The following ABCC9 variants were observed in gnomAD, a reference collection of about 807,000 sequenced individuals.
ABCC9 encodes the protein ATP binding cassette subfamily C member 9, also known as ATP-binding cassette sub-family C member 9.
A neutral mutation model predicts 188.3 loss-of-function variants in ABCC9; 95 were observed. The observed-to-expected ratio is 0.50, with a 90% CI of 0.43 to 0.60. The LOEUF is 0.60. Among genes scored for constraint, ABCC9 ranks in the 20% least tolerant of loss-of-function variants. ABCC9 has a pLI of 0.00. For missense variants in ABCC9, 1,102 were observed against 1,876.3 expected, an observed-to-expected ratio of 0.59 and a Z score of 7.62; for synonymous variants, 659 against 652.7, an observed-to-expected ratio of 1.01 and a Z score of -0.15.
At chr12:21,928,278 G>A (rs1258272395) in intron 4 of ABCC9, among the ~76,000 whole-genome samples, 3 of 100,780 alleles carry the variant, frequency 3.0e-5, no homozygotes, top group East Asian at 3.3e-4. Flanking sequence ...ATGGAAGGGG[G>A]AAAGGAAGGA....
chr12:21,878,508 T>G (rs939495207), intron 16 of ABCC9, among the ~76,000 whole-genome samples: 10 of 152,166 alleles, frequency 6.6e-5, no homozygotes, highest in South Asian at 2.1e-4. Flanking sequence ...TAGGGGATTT[T>G]CAGGCTGGGA....
At chr12:21,939,931 C>T (rs894520418) in intron 2 of ABCC9, among the ~76,000 whole-genome samples, 7 of 152,230 alleles carry the variant, frequency 4.6e-5, no homozygotes, top group African/African-American at 1.4e-4. Flanking sequence ...AAATTCCACA[C>T]ATCTAGAACA....
In ABCC9 at chr12:21,809,855, G is replaced by T; in HGVS notation, c.4312C>A (p.Leu1438Ile). 6.3e-7 allele frequency: 1 copy of T among 1,586,498 alleles called. No individual in the cohort carries two copies. The highest frequency in any genetic ancestry group is 8.6e-7 in the Non-Finnish European group (1 of 1,156,382). ...ATATGCTATTTAGGAAATATACCTA[G>T]ACCTCCAGGTAGAGATTTGACCATA... ...KNMVKSLPGGLDAVVTEGGEN... is the reference protein window; with the variant it reads ...KNMVKSLPGGIDAVVTEGGEN... The change falls in exon 37 of 40, where the codon CTA becomes ATA. Residue 1438 changes from leucine to isoleucine, a missense_variant. Coordinates refer to ENST00000261200, the MANE Select transcript of ABCC9 (RefSeq NM_020297.4).
chr12:21,799,818 G>T lies in ABCC9; in HGVS notation c.*1226C>A, dbSNP rs893795682. 6 of 152,144 alleles carry T rather than the reference G, an allele frequency of 3.9e-5. No individual in the cohort carries two copies. The highest frequency in any genetic ancestry group is 1.2e-4 in the African/African-American group (5 of 41,432). The allele number at this position is 152,144 out of a possible 1,614,324, so 9.4% of individuals were successfully genotyped here. A position where few individuals can be genotyped will look rare whatever the true frequency, so the allele number is the denominator to read the frequency against. On this transcript the variant is annotated 3_prime_UTR_variant, in exon 40 of 40. Coordinates refer to ENST00000261200, the MANE Select transcript of ABCC9 (RefSeq NM_020297.4). ...GATGGGCACAGAATAGTAGAAACTGGTTGCTAACGTGACAAAGAAGGTGAC... is the reference window on the plus strand; with the variant it reads ...GATGGGCACAGAATAGTAGAAACTGTTTGCTAACGTGACAAAGAAGGTGAC...
chr12:21,915,599 G>C, intron 7 of ABCC9, 69 bp downstream of exon 7: 1 of 1,568,838 alleles, frequency 6.4e-7, no homozygotes, highest in South Asian at 1.1e-5. Context: ...TGCAAGCTCT[G>C]CCTCCCAGGT....
At chr12:21,836,628 A>AT (rs908447841) in intron 30 of ABCC9, among the ~76,000 whole-genome samples, 4 of 151,802 alleles carry the variant, frequency 2.6e-5, no homozygotes, top group Admixed American at 2.0e-4. Context: ...CTGTGTTGCT[A>AT]TTTTTTTTCT....
intron 12 of ABCC9, among the ~76,000 whole-genome samples, chr12:21,901,861 T>C (rs1279829714): frequency 6.6e-6 from 1 of 152,150 alleles, no homozygotes; most frequent in African/African-American, 2.4e-5. Flanking sequence ...AATGGGAGAC[T>C]TTAACACCCC....
At chr12:21,908,351 C>T in intron 10 of ABCC9, 140 bp from the exon 11 acceptor site, 1 of 1,085,918 alleles carries the variant, frequency 9.2e-7, no homozygotes, top group South Asian at 1.4e-5. Context: ...TTAGGGTTCT[C>T]TAGAGGGACA....
At chr12:21,907,246 TA>T (rs1472635792) in intron 11 of ABCC9, among the ~76,000 whole-genome samples, 1 of 151,858 alleles carries the variant, frequency 6.6e-6, no homozygotes, top group Non-Finnish European at 1.5e-5. Context: ...TGTGCTGGAG[TA>T]AAAAGGATAG....
chr12:21,921,182 C>A (rs894859166), intron 5 of ABCC9, among the ~76,000 whole-genome samples: 6 of 152,056 alleles, frequency 3.9e-5, no homozygotes, highest in Non-Finnish European at 8.8e-5. Context: ...ATTTACATTT[C>A]CACCAATAGT....
At chr12:21,861,754 A>G (rs1475935045) in intron 20 of ABCC9, among the ~76,000 whole-genome samples, 2 of 152,178 alleles carry the variant, frequency 1.3e-5, no homozygotes, top group African/African-American at 4.8e-5. Context: ...ATGAGTAACG[A>G]AGTTTAAGGA....
At chr12:21,803,231 C>T (rs1438770676) in intron 39 of ABCC9, among the ~76,000 whole-genome samples, 1 of 151,686 alleles carries the variant, frequency 6.6e-6, no homozygotes, top group African/African-American at 2.4e-5. Flanking sequence ...ATTTTCCTTC[C>T]AGAAAAATAT....
At chr12:21,927,291 A>G (rs568487766) in intron 4 of ABCC9, among the ~76,000 whole-genome samples, 6 of 152,286 alleles carry the variant, frequency 3.9e-5, no homozygotes, top group East Asian at 3.9e-4. Context: ...GGTAAGCGGT[A>G]TGATCAGATT....
intron 4 of ABCC9, among the ~76,000 whole-genome samples, chr12:21,930,079 C>T (rs957524061): frequency 1.3e-5 from 2 of 149,440 alleles, no homozygotes; most frequent in Non-Finnish European, 3.0e-5. Flanking sequence ...TGAGAACATG[C>T]GGTGTTTGGT....
At chr12:21,936,770 A>C in intron 2 of ABCC9, 76 bp from the exon 3 acceptor site, 1 of 1,067,572 alleles carries the variant, frequency 9.4e-7, no homozygotes, top group Admixed American at 2.1e-5. Context: ...AAAGCCTTGA[A>C]TAGAGGGCTA....
intron 29 of ABCC9, 62 bp downstream of exon 29, chr12:21,842,252 T>C: frequency 6.4e-7 from 1 of 1,565,504 alleles, no homozygotes; most frequent in East Asian, 2.3e-5. Context: ...GCAGAACCCA[T>C]GAATAGAGAG....
At chr12:21,904,755 C>A (rs780453614) in intron 12 of ABCC9, among the ~76,000 whole-genome samples, 1 of 152,030 alleles carries the variant, frequency 6.6e-6, no homozygotes. Flanking sequence ...GTTAGAATGG[C>A]GATCATTAAA....
chr12:21,913,557 T>C (rs545892491), intron 7 of ABCC9, among the ~76,000 whole-genome samples: 37 of 152,280 alleles, frequency 2.4e-4, no homozygotes, highest in African/African-American at 7.9e-4. Context: ...ACAAAACAGA[T>C]TATCCCAACT....
Position 21,915,514 on chromosome 12 carries a change from A to AT in ABCC9, c.816+153dup, listed in dbSNP as rs71053356. On this transcript the variant is annotated intron_variant, in intron 7 of 39. Transcript: ENST00000261200. ...TGTGTGTGTGTGTATATATATATAT[A>AT]TTTTTTTTTTTTTTTTGAGACAGAG... Among the ~76,000 whole-genome samples, 2 of 3,520 alleles carry AT rather than the reference A, an allele frequency of 5.7e-4. 1 individual carries two copies. Among genetic ancestry groups the AT allele is most frequent in the African/African-American group, 2.2e-3 (2 of 922 alleles). The allele number at this position is 3,520 out of a possible 152,430, so 2.3% of individuals were successfully genotyped here.
Sources: gnomAD v4.1 joint callset for allele counts (sites outside exome capture counted in the v4.1 genomes callset) on GRCh38, gnomAD v4.1.1 for gene constraint, MANE v1.5 for transcripts, NCBI Gene and HGNC (gene_info 2026-07-23, HGNC 2026-07-21) for gene names.